Variants in VSTM4 observed in about 807,000 individuals in gnomAD.
The protein encoded by VSTM4 is V-set and transmembrane domain containing 4, also known as V-set and transmembrane domain-containing protein 4.
A neutral mutation model predicts 36.4 loss-of-function variants in VSTM4; 20 were observed. The ratio of observed to expected loss-of-function variants is 0.55; its 90% CI spans 0.39 to 0.80. The LOEUF is 0.80. Among genes scored for constraint, VSTM4 ranks in the 30% least tolerant of loss-of-function variants. VSTM4 has a pLI of 0.00. For missense variants in VSTM4, 392 were observed against 404.5 expected, an observed-to-expected ratio of 0.97 and a Z score of 0.26; for synonymous variants, 182 against 173.9, an observed-to-expected ratio of 1.05 and a Z score of -0.37.
chr10:49,110,481 G>A (rs1844873280), intron 1 of VSTM4, among the ~76,000 whole-genome samples: 1 of 152,128 alleles, frequency 6.6e-6, no homozygotes, highest in Admixed American at 6.5e-5. Flanking sequence ...TCTTACAAAT[G>A]GCACAAACTT....
At position 49,115,487 on chromosome 10, in the gene VSTM4, T is replaced by C; in HGVS notation, c.-2A>G. ...CGCCGCCAGTGCCAGCAGCCGCATCTCCCCGCCGCCGCCCGGCGCTGTGAC... is the reference window on the plus strand; with the variant it reads ...CGCCGCCAGTGCCAGCAGCCGCATCCCCCCGCCGCCGCCCGGCGCTGTGAC... On this transcript the variant is annotated 5_prime_UTR_variant, in exon 1 of 8. Transcript: ENST00000332853. The C allele has an allele frequency of 2.0e-6, 2 of 1,007,022 alleles. No homozygotes were observed. The highest frequency in any genetic ancestry group is 2.4e-6 in the Non-Finnish European group (2 of 844,616). The allele number at this position is 1,007,022 out of a possible 1,614,324, so 62.4% of individuals were successfully genotyped here. A position where few individuals can be genotyped will look rare whatever the true frequency, so the allele number is the denominator to read the frequency against.
intron 3 of VSTM4, among the ~76,000 whole-genome samples, chr10:49,085,368 G>A (rs1284326802): frequency 6.6e-6 from 1 of 152,218 alleles, no homozygotes; most frequent in East Asian, 1.9e-4. Context: ...CATTCCATGA[G>A]TGATTCTAGC....
At chr10:49,029,677 C>G (rs1843315588) in intron 7 of VSTM4, among the ~76,000 whole-genome samples, 1 of 152,202 alleles carries the variant, frequency 6.6e-6, no homozygotes, top group Non-Finnish European at 1.5e-5. Context: ...GCCTGGGATG[C>G]CAACAGGGAA....
intron 2 of VSTM4, among the ~76,000 whole-genome samples, chr10:49,091,770 C>T (rs958627628): frequency 2.0e-5 from 3 of 152,174 alleles, no homozygotes; most frequent in East Asian, 1.9e-4. Context: ...CCAAAAATTC[C>T]GAGAGGTCCT....
At position 49,047,084 on chromosome 10, in the gene VSTM4, C is replaced by G. The variant is rs377143030; in HGVS notation, c.776-40G>C. 3 of 1,588,704 alleles carry G rather than the reference C, an allele frequency of 1.9e-6. No individual in the cohort carries two copies. In the South Asian group the frequency reaches 3.3e-5, roughly 18 times the overall value. On this transcript the variant is annotated intron_variant, in intron 6 of 7. Coordinates refer to ENST00000332853, the MANE Select transcript of VSTM4 (RefSeq NM_001031746.5). ...CAAGGGTTTAGCTTGCAGTTCCTCC[C>G]AGAACACTTAGTGGCCACACATTAT...
At chr10:49,037,092 G>A (rs1843442617) in intron 7 of VSTM4, among the ~76,000 whole-genome samples, 1 of 152,178 alleles carries the variant, frequency 6.6e-6, no homozygotes, top group South Asian at 2.1e-4. Flanking sequence ...AGGAATTAGG[G>A]AGAGTCACAA....
intron 2 of VSTM4, among the ~76,000 whole-genome samples, chr10:49,098,542 C>A (rs1350531792): frequency 6.6e-6 from 1 of 152,230 alleles, no homozygotes; most frequent in Non-Finnish European, 1.5e-5. Context: ...CTGATTCCCC[C>A]CAGATCCATG....
intron 2 of VSTM4, among the ~76,000 whole-genome samples, chr10:49,107,118 G>A (rs1254805357): frequency 6.6e-6 from 1 of 152,142 alleles, no homozygotes. Context: ...ACTCTACTGA[G>A]TCCCCACTCA....
intron 7 of VSTM4, among the ~76,000 whole-genome samples, chr10:49,028,522 C>T (rs1392905050): frequency 6.6e-6 from 1 of 152,162 alleles, no homozygotes; most frequent in Non-Finnish European, 1.5e-5. Flanking sequence ...AAAAGTCAAC[C>T]TCAAGGAATT....
chr10:49,038,618 T>C (rs1210834824), intron 7 of VSTM4, among the ~76,000 whole-genome samples: 3 of 152,166 alleles, frequency 2.0e-5, no homozygotes, highest in African/African-American at 7.2e-5. Context: ...TTTACCACGA[T>C]TTAGCTTCTG....
rs200469294 is a variant in VSTM4 at position 49,087,911 on chromosome 10, G to GTA, written c.458-1890_458-1889dup. On this transcript the variant is annotated intron_variant, in intron 2 of 7. Coordinates refer to ENST00000332853, the MANE Select transcript of VSTM4 (RefSeq NM_001031746.5). ...ATATATAATTATATATGTTATATAT[G>GTA]TATATATATACATATGTAATATATA... is the stretch of plus-strand genomic sequence containing the variant. 2.5e-3 allele frequency among the ~76,000 whole-genome samples: 354 copies of GTA among 143,692 alleles called. 14 individuals are homozygous for GTA. The East Asian group carries it at 0.064, about 26-fold the overall frequency. 94.3% of individuals were successfully genotyped at this position (143,692 alleles called of 152,430 possible).
At position 49,048,559 on chromosome 10, in the gene VSTM4, T is replaced by G; in HGVS notation, c.694A>C (p.Thr232Pro). ...TTGGGCTGTAGTGGGGCCAAGCTGG[T>G]CACGCTAGTGACAGTCTCCCCTGAG... Reference protein sequence around the residue: ...NSSGETVTSVTSLAPLQPKKG... With the variant: ...NSSGETVTSVPSLAPLQPKKG... Residue 232 changes from threonine (T) to proline (P), a missense_variant, in exon 6 of 8, where the codon ACC becomes CCC. Physicochemically the swap from Thr to Pro is conservative, Grantham distance 38 (BLOSUM62 -1). Coordinates refer to ENST00000332853, the MANE Select transcript of VSTM4 (RefSeq NM_001031746.5). 1 of 1,595,870 alleles carries G rather than the reference T, an allele frequency of 6.3e-7. No individual in the cohort carries two copies.
chr10:49,055,278 C>T (rs112805848), intron 5 of VSTM4, among the ~76,000 whole-genome samples: 2,113 of 152,236 alleles, frequency 0.014, 44 homozygotes, highest in African/African-American at 0.043. Context: ...CTTCCAGAAA[C>T]GTCCATGTAT....
Position 49,103,963 on chromosome 10 carries a change from A to G in VSTM4, c.457+3631T>C, listed in dbSNP as rs143651867. The G allele has an allele frequency of 3.8e-3, 3,523 of 922,202 alleles. 15 individuals carry two copies. Among genetic ancestry groups the G allele is most frequent in the Middle Eastern group, 0.012 (49 of 3,978 alleles). The allele number at this position is 922,202 out of a possible 1,614,324, so 57.1% of individuals were successfully genotyped here. ...CCAAGAGCTCCTGTTTGATATTCTA[A>G]CCCAAAGGTACGGACCACAGAACTT... is the stretch of plus-strand genomic sequence containing the variant. On this transcript the variant is annotated intron_variant, in intron 2 of 7. Coordinates refer to ENST00000332853, the MANE Select transcript of VSTM4 (RefSeq NM_001031746.5).
rs1843140768 is a variant in VSTM4 at position 49,018,966 on chromosome 10, G to A, written c.*684C>T. Reference sequence around the variant, plus strand: ...CTCTATCAGTACAGGTCCACCTTGTGAAAGGGCTGGAAGCCCTCTAGAATG... The same window carrying A: ...CTCTATCAGTACAGGTCCACCTTGTAAAAGGGCTGGAAGCCCTCTAGAATG... On this transcript the variant is annotated 3_prime_UTR_variant, in exon 8 of 8. Transcript: ENST00000332853. The A allele has an allele frequency of 1.3e-5, 2 of 152,276 alleles. No individual in the cohort carries two copies. The highest frequency in any genetic ancestry group is 2.9e-5 in the Non-Finnish European group (2 of 68,072). 9.4% of individuals were successfully genotyped at this position (152,276 alleles called of 1,614,324 possible).
chr10:49,025,333 G>A (rs1270539017), intron 7 of VSTM4, among the ~76,000 whole-genome samples: 9 of 152,178 alleles, frequency 5.9e-5, no homozygotes, highest in African/African-American at 1.7e-4. Context: ...ACCTGATAGG[G>A]TGGGAGAATA....
intron 5 of VSTM4, among the ~76,000 whole-genome samples, chr10:49,051,386 A>AT (rs1344674779): frequency 3.3e-5 from 4 of 123,076 alleles, no homozygotes; most frequent in Non-Finnish European, 6.9e-5. Context: ...TTGACAGCTC[A>AT]TTTCTTTTTT....
At chr10:49,033,682 T>C (rs1313599095) in intron 7 of VSTM4, among the ~76,000 whole-genome samples, 2 of 152,190 alleles carry the variant, frequency 1.3e-5, no homozygotes, top group African/African-American at 4.8e-5. Flanking sequence ...TGTGGCCAAG[T>C]GCCTGGTTGG....
At chr10:49,057,160 C>G (rs1040241955) in intron 5 of VSTM4, among the ~76,000 whole-genome samples, 1 of 152,080 alleles carries the variant, frequency 6.6e-6, no homozygotes, top group Non-Finnish European at 1.5e-5. Flanking sequence ...ACCAAGACTA[C>G]CTCCAACACT....
Sources: gnomAD v4.1 joint callset for allele counts (sites outside exome capture counted in the v4.1 genomes callset) on GRCh38, gnomAD v4.1.1 for gene constraint, MANE v1.5 for transcripts, NCBI Gene and HGNC (gene_info 2026-07-23, HGNC 2026-07-21) for gene names.